QTMAN: variants seen among roughly 807,000 people sequenced by gnomAD.
QTMAN encodes tRNA-queuosine alpha-mannosyltransferase.
chr2:144,188,251 T>C, the QTMAN span, among the ~76,000 whole-genome samples: 7 of 152,146 alleles, frequency 4.6e-5, no homozygotes, highest in Non-Finnish European at 8.8e-5. Context: ...GTTCTCTTAG[T>C]GAAACTAAAA....
the QTMAN span, among the ~76,000 whole-genome samples, chr2:144,108,586 C>T: frequency 2.6e-5 from 4 of 151,164 alleles, no homozygotes; most frequent in Non-Finnish European, 5.9e-5. Flanking sequence ...TGGAGTGAGC[C>T]GAGATCTCGC....
chr2:144,305,482 G>A, the QTMAN span, among the ~76,000 whole-genome samples: 9 of 152,016 alleles, frequency 5.9e-5, no homozygotes, highest in Admixed American at 2.6e-4. Flanking sequence ...TACCAGTATC[G>A]CCCTGTTTTG....
chr2:144,304,259 CCT>C, the QTMAN span, among the ~76,000 whole-genome samples: 1 of 152,186 alleles, frequency 6.6e-6, no homozygotes, highest in Non-Finnish European at 1.5e-5. Context: ...TAGTTTACCT[CCT>C]CTATTAATTT....
At chr2:144,183,075 CCT>C in the QTMAN span, among the ~76,000 whole-genome samples, 1 of 147,850 alleles carries the variant, frequency 6.8e-6, no homozygotes, top group Non-Finnish European at 1.5e-5. Flanking sequence ...AAAATTAGTC[CCT>C]CTTATTAGTG....
chr2:144,074,177 G>A, the QTMAN span, among the ~76,000 whole-genome samples: 17 of 152,292 alleles, frequency 1.1e-4, no homozygotes, highest in African/African-American at 3.1e-4. Context: ...AATTGCATGA[G>A]TTAAAATACT....
chr2:144,312,181 C>CT, the QTMAN span, among the ~76,000 whole-genome samples: 5,725 of 131,162 alleles, frequency 0.044, 140 homozygotes, highest in Non-Finnish European at 0.055. Context: ...GAGTTACATT[C>CT]TTTTTTTTTT....
the QTMAN span, among the ~76,000 whole-genome samples, chr2:144,326,326 G>A: frequency 6.6e-6 from 1 of 152,020 alleles, no homozygotes; most frequent in African/African-American, 2.4e-5. Flanking sequence ...GGTGGCTCAC[G>A]CCTGTAATCC....
At chr2:144,165,498 T>C in the QTMAN span, among the ~76,000 whole-genome samples, 1 of 152,240 alleles carries the variant, frequency 6.6e-6, no homozygotes, top group Admixed American at 6.5e-5. Flanking sequence ...ACTACCATTA[T>C]GAACATAATT....
At chr2:144,132,071 C>G in the QTMAN span, among the ~76,000 whole-genome samples, 19 of 151,736 alleles carry the variant, frequency 1.3e-4, no homozygotes, top group East Asian at 3.5e-3. Context: ...GAATATTCAC[C>G]TGAATATGCC....
chr2:144,301,007 T>C, the QTMAN span, among the ~76,000 whole-genome samples: 1 of 152,198 alleles, frequency 6.6e-6, no homozygotes, highest in Non-Finnish European at 1.5e-5. Context: ...ACCATCTGTT[T>C]ACCAAAGGCT....
chr2:144,200,164 A>T, the QTMAN span, among the ~76,000 whole-genome samples: 1 of 152,252 alleles, frequency 6.6e-6, no homozygotes, highest in African/African-American at 2.4e-5. Flanking sequence ...GCTGTTATAA[A>T]ATAATGGTGA....
the QTMAN span, among the ~76,000 whole-genome samples, chr2:144,037,011 C>T: frequency 1.3e-5 from 2 of 152,150 alleles, no homozygotes; most frequent in East Asian, 3.9e-4. Context: ...GGCAAAGAAA[C>T]AAGATGCAAA....
chr2:144,035,514 AGT>A, the QTMAN span, among the ~76,000 whole-genome samples: 1 of 152,208 alleles, frequency 6.6e-6, no homozygotes, highest in South Asian at 2.1e-4. Context: ...ATTTTTAATC[AGT>A]GTTACAATTT....
At chr2:144,318,232 C>A in the QTMAN span, among the ~76,000 whole-genome samples, 1 of 150,640 alleles carries the variant, frequency 6.6e-6, no homozygotes, top group Non-Finnish European at 1.5e-5. Flanking sequence ...CACACACACA[C>A]AAATTGTGGT....
At chr2:144,095,222 C>T in the QTMAN span, among the ~76,000 whole-genome samples, 2 of 152,154 alleles carry the variant, frequency 1.3e-5, no homozygotes, top group South Asian at 4.1e-4. Context: ...ACTTGTCTTG[C>T]CCAGTCTCAC....
the QTMAN span, among the ~76,000 whole-genome samples, chr2:143,982,853 CA>C: frequency 0.098 from 5,987 of 61,012 alleles, 147 homozygotes; most frequent in African/African-American, 0.18. Context: ...GACTCTGTCT[CA>C]AAAAAAAAAA....
chr2:143,988,598 T>C, the QTMAN span, among the ~76,000 whole-genome samples: 6 of 152,356 alleles, frequency 3.9e-5, no homozygotes, highest in Admixed American at 3.9e-4. Flanking sequence ...ACGAGGTAGA[T>C]ATCATTCTTC....
the QTMAN span, chr2:143,957,140 T>C: frequency 2.1e-5 from 30 of 1,399,456 alleles, no homozygotes; most frequent in Admixed American, 7.0e-5. Context: ...CGAACACACA[T>C]AGTAAAACTG....
the QTMAN span, among the ~76,000 whole-genome samples, chr2:143,956,214 T>C: frequency 6.6e-6 from 1 of 152,192 alleles, no homozygotes; most frequent in African/African-American, 2.4e-5. Context: ...TCTTTAGAAA[T>C]TATCTTGAAT....
Sources: allele counts gnomAD v4.1 joint callset (sites outside exome capture counted in the v4.1 genomes callset), GRCh38; gene constraint gnomAD v4.1.1; transcripts MANE v1.5; gene names NCBI Gene and HGNC (gene_info 2026-07-23, HGNC 2026-07-21).